Variants in C1QTNF6 observed in about 807,000 individuals in gnomAD.
C1QTNF6 encodes complement C1q tumor necrosis factor-related protein 6.
C1QTNF6 carries 17 observed loss-of-function variants against 20.7 expected under a neutral mutation model. The ratio of observed to expected loss-of-function variants is 0.82; its 90% CI spans 0.56 to 1.23. C1QTNF6 has a LOEUF of 1.23. C1QTNF6 is among the 50% of genes most tolerant of loss of function. The pLI, the probability that C1QTNF6 is intolerant of heterozygous loss-of-function variation, is 0.00. For synonymous variants in C1QTNF6, 130 were observed against 156.3 expected, an observed-to-expected ratio of 0.83 and a Z score of 1.25; for missense variants, 329 against 389.7, an observed-to-expected ratio of 0.84 and a Z score of 1.31.
At chr22:37,195,278 G>A (rs229541) in intron 2 of C1QTNF6, 75,152 of 152,102 alleles carry the variant, frequency 0.49, 19,317 homozygotes, top group East Asian at 0.69. Context: ...TTTCTGATAA[G>A]CATCTTTGCC....
rs542373863 is a variant in C1QTNF6 at position 37,184,791 on chromosome 22, C to A, written c.289+427G>T. On this transcript the variant is annotated intron_variant, in intron 2 of 2. Transcript: ENST00000337843. The surrounding 1 kb of genome is among the most constrained non-coding windows in gnomAD (Gnocchi z 4.0). ...CATCTCCCGGCCCTGCCCCAGGGCC[C>A]CTGCACCAGCTGTGCCCTTTGCCAG... 2.0e-4 allele frequency among the ~76,000 whole-genome samples: 30 copies of A among 152,260 alleles called. No homozygotes were observed. The highest frequency in any genetic ancestry group is 2.9e-4 in the Non-Finnish European group (20 of 68,008).
In C1QTNF6 at chr22:37,185,342, G is replaced by A. The variant is rs764307100; in HGVS notation, c.165C>T (p.Gly55=). 2.5e-6 allele frequency: 4 copies of A among 1,613,644 alleles called. No homozygotes were observed. Among genetic ancestry groups the A allele is most frequent in the Non-Finnish European group, 8.5e-7 (1 of 1,179,924 alleles). Residue 55 remains glycine, a synonymous_variant, in exon 2 of 3, where the codon GGC becomes GGT. Transcript: ENST00000337843. ...ELTFDRAVAS[G]CQRCCDSEDP... ...CCTCAGAGTCACAGCACCGTTGGCA[G>A]CCGCTGGCCACAGCTCTGTCAAAGG...
chr22:37,182,104 T>C lies in C1QTNF6; in HGVS notation c.*84A>G. ...TCCCCGGGGACCTCCCTGGCCTTCC[T>C]GCTTCACAGCAGTGCAAACTGAGCC... On this transcript the variant is annotated 3_prime_UTR_variant, in exon 3 of 3. Transcript: ENST00000337843. 2 of 1,449,054 alleles carry C rather than the reference T, an allele frequency of 1.4e-6. No individual in the cohort carries two copies. Among genetic ancestry groups the C allele is most frequent in the South Asian group, 1.4e-5 (1 of 71,854 alleles). 89.8% of individuals were successfully genotyped at this position (1,449,054 alleles called of 1,614,324 possible).
At chr22:37,198,521 AG>A (rs1227677578), upstream of C1QTNF6, among the ~76,000 whole-genome samples, 1 of 152,040 alleles carries the variant, frequency 6.6e-6, no homozygotes, top group African/African-American at 2.4e-5. Context: ...TCAAAAAGGG[AG>A]ACAGGACAGT....
intron 1 of C1QTNF6, chr22:37,185,792 C>G: frequency 2.0e-6 from 2 of 1,019,248 alleles, no homozygotes; most frequent in Non-Finnish European, 2.3e-6. Flanking sequence ...GGAAGCTTTG[C>G]TGGGGCAGGT....
upstream of C1QTNF6, among the ~76,000 whole-genome samples, chr22:37,198,877 T>C (rs1012341019): frequency 3.3e-5 from 5 of 151,810 alleles, no homozygotes; most frequent in African/African-American, 7.3e-5. Flanking sequence ...TCCCCCACGT[T>C]GAACCGCCCA....
chr22:37,180,835 G>C lies in C1QTNF6; in HGVS notation c.*1353C>G, dbSNP rs904503849. Reference sequence around the variant, plus strand: ...GAGGCAGGAAGGGGATCCCAGTGAGGAGGGCAGGTCTTCTCGCAGGATGCC... The same window carrying C: ...GAGGCAGGAAGGGGATCCCAGTGAGCAGGGCAGGTCTTCTCGCAGGATGCC... On this transcript the variant is annotated 3_prime_UTR_variant, in exon 3 of 3. Coordinates refer to ENST00000337843, the MANE Select transcript of C1QTNF6 (RefSeq NM_031910.4). 6.5e-6 allele frequency: 1 copy of C among 153,092 alleles called. No individual in the cohort carries two copies. Among genetic ancestry groups the C allele is most frequent in the African/African-American group, 2.4e-5 (1 of 41,476 alleles). The allele number at this position is 153,092 out of a possible 1,614,324, so 9.5% of individuals were successfully genotyped here. A position where few individuals can be genotyped will look rare whatever the true frequency, so the allele number is the denominator to read the frequency against.
upstream of C1QTNF6, among the ~76,000 whole-genome samples, chr22:37,191,472 G>A (rs552187648): frequency 5.9e-5 from 9 of 152,058 alleles, no homozygotes; most frequent in South Asian, 1.7e-3. Flanking sequence ...GTCATTTTTG[G>A]ACTTTAGGGG....
At chr22:37,185,186 C>G in intron 2 of C1QTNF6, 32 bp downstream of exon 2, 1 of 1,519,200 alleles carries the variant, frequency 6.6e-7, no homozygotes, top group Non-Finnish European at 8.8e-7. Context: ...GCCCTCCCTG[C>G]CCACTACCAG....
chr22:37,184,457 C>A lies in C1QTNF6; in HGVS notation c.289+761G>T. On this transcript the variant is annotated intron_variant, in intron 2 of 2. Coordinates refer to ENST00000337843, the MANE Select transcript of C1QTNF6 (RefSeq NM_031910.4). The surrounding 1 kb of genome is among the most constrained non-coding windows in gnomAD (Gnocchi z 4.0). ...CACGTCCTATTGAGAGAGCGGGTAG[C>A]CAGCCCGCACCTGGACGGCCCTCAC... The A allele has an allele frequency of 1.4e-6, 1 of 716,422 alleles. No homozygotes were observed. Among genetic ancestry groups the A allele is most frequent in the Admixed American group, 2.0e-5 (1 of 49,966 alleles). 44.4% of individuals were successfully genotyped at this position (716,422 alleles called of 1,614,324 possible).
intron 1 of C1QTNF6, chr22:37,186,122 T>C (rs994231964): frequency 5.1e-6 from 5 of 985,384 alleles, no homozygotes; most frequent in Non-Finnish European, 6.0e-6. Context: ...TGTGGGGTGG[T>C]GCGCGGTGAT....
chr22:37,188,560 T>G, upstream of C1QTNF6: 2 of 212,792 alleles, frequency 9.4e-6, no homozygotes, highest in Non-Finnish European at 1.9e-5. Context: ...AGCCCCTAGG[T>G]TGCTCAGGAA....
At position 37,182,305 on chromosome 22, in the gene C1QTNF6, G is replaced by C. The variant is rs144359957; in HGVS notation, c.720C>G (p.Tyr240Ter). 2 of 1,614,138 alleles carry C rather than the reference G, an allele frequency of 1.2e-6. No homozygotes were observed. The highest frequency in any genetic ancestry group is 8.5e-7 in the Non-Finnish European group (1 of 1,180,014). Residue 240 changes from tyrosine (Y) to a stop codon, truncating the protein, a stop_gained, in exon 3 of 3, where the codon TAC becomes TAG. Coordinates refer to ENST00000337843, the MANE Select transcript of C1QTNF6 (RefSeq NM_031910.4). LOFTEE classifies it high-confidence loss of function. ...QSQSVMLDLA[Y>*]GDRVWVRLFK... Reference sequence around the variant, plus strand: ...AGAGCCGCACCCAGACGCGGTCCCCGTAGGCCAGGTCCAGCATCACACTCT... The same window carrying C: ...AGAGCCGCACCCAGACGCGGTCCCCCTAGGCCAGGTCCAGCATCACACTCT...
At position 37,182,544 on chromosome 22, in the gene C1QTNF6, G is replaced by A; in HGVS notation, c.481C>T (p.Gln161Ter). ...KTALHSGEDF[Q>*]TLLFERVFVN... ...AAGACCCTTTCGAAGAGCAGCGTCT[G>A]GAAGTCCTCGCCGCTGTGCAGGGCC... The change falls in exon 3 of 3, where the codon CAG (glutamine) becomes TAG (stop). Residue 161 changes from glutamine to a stop codon, truncating the protein, a stop_gained. Transcript: ENST00000337843. LOFTEE classifies it high-confidence loss of function. The A allele has an allele frequency of 1.2e-6, 2 of 1,614,228 alleles. No individual in the cohort carries two copies. The highest frequency in any genetic ancestry group is 1.7e-6 in the Non-Finnish European group (2 of 1,180,048).
upstream of C1QTNF6, chr22:37,188,329 C>T (rs1231323995): frequency 1.1e-5 from 7 of 625,584 alleles, no homozygotes; most frequent in East Asian, 8.1e-5. Flanking sequence ...GGAGGGAGGG[C>T]GGAGGGAGAG....
intron 1 of C1QTNF6, 75 bp downstream of exon 1, chr22:37,188,088 G>A: frequency 6.7e-7 from 1 of 1,486,804 alleles, no homozygotes; most frequent in Non-Finnish European, 9.2e-7. Flanking sequence ...GATGCTTCCA[G>A]GAAGCAAGGA....
rs1191053675 is a variant in C1QTNF6, at chr22:37,181,015, G to T, written c.*1173C>A. On this transcript the variant is annotated 3_prime_UTR_variant, in exon 3 of 3. Transcript: ENST00000337843. ...TGCTGTAACGATGAGCACTGGGCAGGTGGATGAGGAACGGGAAGGAGATAC... is the reference window on the plus strand; with the variant it reads ...TGCTGTAACGATGAGCACTGGGCAGTTGGATGAGGAACGGGAAGGAGATAC... The T allele has an allele frequency of 6.6e-6, 1 of 152,476 alleles. No homozygotes were observed. Among genetic ancestry groups the T allele is most frequent in the Admixed American group, 6.5e-5 (1 of 15,296 alleles). The allele number at this position is 152,476 out of a possible 1,614,324, so 9.4% of individuals were successfully genotyped here.
chr22:37,185,487 C>T (rs774314967), intron 1 of C1QTNF6, 32 bp from the exon 2 acceptor site: 50 of 1,555,558 alleles, frequency 3.2e-5, no homozygotes, highest in Non-Finnish European at 3.9e-5. Context: ...AGGAACTATA[C>T]TTCACTCAAC....
At position 37,180,284 on chromosome 22, in the gene C1QTNF6, C is replaced by CT. The variant is rs1923641512; in HGVS notation, c.*1903dup. ...GGTCTTCCTGGCACTTGGTCAGACC[C>CT]TGTTTCCGTCATCTGGCCATGGAGC... On this transcript the variant is annotated 3_prime_UTR_variant, in exon 3 of 3. Transcript: ENST00000337843. The CT allele has an allele frequency of 1.3e-5, 2 of 149,560 alleles. No individual in the cohort carries two copies. The highest frequency in any genetic ancestry group is 3.0e-5 in the Non-Finnish European group (2 of 67,354). The allele number at this position is 149,560 out of a possible 1,614,324, so 9.3% of individuals were successfully genotyped here. A position where few individuals can be genotyped will look rare whatever the true frequency, so the allele number is the denominator to read the frequency against.
Sources: gnomAD v4.1 joint callset for allele counts (sites outside exome capture counted in the v4.1 genomes callset) on GRCh38, gnomAD v4.1.1 for gene constraint, Gnocchi (gnomAD v3.1) non-coding constraint, MANE v1.5 for transcripts, NCBI Gene and HGNC (gene_info 2026-07-23, HGNC 2026-07-21) for gene names.